The following RPSA2 variants were observed in gnomAD, a reference collection of about 807,000 sequenced individuals.
RPSA2 encodes small ribosomal subunit protein uS2B.
the RPSA2 span, among the ~76,000 whole-genome samples, chr19:23,825,908 C>A: frequency 6.6e-6 from 1 of 151,664 alleles, no homozygotes; most frequent in African/African-American, 2.4e-5. Flanking sequence ...TTTATAATTT[C>A]AACAACCTAT....
chr19:23,834,127 G>C, the RPSA2 span, among the ~76,000 whole-genome samples: 4 of 151,976 alleles, frequency 2.6e-5, no homozygotes, highest in Non-Finnish European at 5.9e-5. Flanking sequence ...AGACACTACT[G>C]TAAATCAGAG....
At chr19:23,761,456 G>A in the RPSA2 span, among the ~76,000 whole-genome samples, 1 of 152,154 alleles carries the variant, frequency 6.6e-6, no homozygotes, top group African/African-American at 2.4e-5. Flanking sequence ...CAGAGCACCA[G>A]AGTGAGACCT....
chr19:23,771,141 G>A, the RPSA2 span, among the ~76,000 whole-genome samples: 1 of 152,318 alleles, frequency 6.6e-6, no homozygotes, highest in Admixed American at 6.5e-5. Context: ...GCACACAGGG[G>A]AGGTTGTGAC....
the RPSA2 span, among the ~76,000 whole-genome samples, chr19:23,798,060 T>G: frequency 1.3e-5 from 2 of 151,474 alleles, no homozygotes; most frequent in Admixed American, 6.6e-5. Flanking sequence ...GTTATGTATT[T>G]ATTTTTTTTT....
chr19:23,788,618 G>T, the RPSA2 span, among the ~76,000 whole-genome samples: 3 of 152,144 alleles, frequency 2.0e-5, no homozygotes, highest in Admixed American at 2.0e-4. Context: ...AGGTAGTGAT[G>T]TGACTCTTCG....
chr19:23,829,984 A>G, the RPSA2 span, among the ~76,000 whole-genome samples: 1 of 151,366 alleles, frequency 6.6e-6, no homozygotes, highest in African/African-American at 2.4e-5. Flanking sequence ...AACTGTTGTT[A>G]GCACCTTTTA....
the RPSA2 span, among the ~76,000 whole-genome samples, chr19:23,848,698 A>G: frequency 1.3e-5 from 2 of 152,102 alleles, no homozygotes; most frequent in African/African-American, 4.8e-5. Context: ...CTGCATTTGC[A>G]TGTGATGATC....
the RPSA2 span, among the ~76,000 whole-genome samples, chr19:23,865,652 G>A: frequency 6.6e-6 from 1 of 152,162 alleles, no homozygotes. Context: ...AAAGAGAGGA[G>A]AATTGGCCTC....
the RPSA2 span, among the ~76,000 whole-genome samples, chr19:23,854,179 G>A: frequency 1.3e-5 from 2 of 152,110 alleles, no homozygotes; most frequent in African/African-American, 4.8e-5. Context: ...TCTCATTACA[G>A]GAATCAGAAT....
At chr19:23,786,406 T>A in the RPSA2 span, among the ~76,000 whole-genome samples, 1 of 152,256 alleles carries the variant, frequency 6.6e-6, no homozygotes, top group Non-Finnish European at 1.5e-5. Context: ...GATTGTGATT[T>A]ATCACTGGAT....
the RPSA2 span, among the ~76,000 whole-genome samples, chr19:23,789,738 C>G: frequency 6.6e-6 from 1 of 150,928 alleles, no homozygotes. Context: ...GAGACAGAGT[C>G]TCGCTCTGTC....
At chr19:23,847,528 G>A in the RPSA2 span, among the ~76,000 whole-genome samples, 2 of 152,064 alleles carry the variant, frequency 1.3e-5, no homozygotes, top group Non-Finnish European at 2.9e-5. Flanking sequence ...AAGGGGAGGG[G>A]GTGTAAGAAC....
chr19:23,832,713 AC>A, the RPSA2 span: 1 of 1,522,708 alleles, frequency 6.6e-7, no homozygotes. Context: ...CTGGAGAGAA[AC>A]CCTACAAATG....
the RPSA2 span, chr19:23,758,670 G>A: frequency 3.7e-6 from 6 of 1,610,846 alleles, no homozygotes; most frequent in South Asian, 6.6e-5. Flanking sequence ...CGCAAATTGT[G>A]GAGCTGACTG....
chr19:23,840,439 G>A, the RPSA2 span, among the ~76,000 whole-genome samples: 7 of 152,160 alleles, frequency 4.6e-5, no homozygotes, highest in African/African-American at 1.7e-4. Flanking sequence ...TCTTATTGGG[G>A]ATGGTGCTGG....
At chr19:23,786,488 G>T in the RPSA2 span, among the ~76,000 whole-genome samples, 1 of 152,182 alleles carries the variant, frequency 6.6e-6, no homozygotes, top group Non-Finnish European at 1.5e-5. Flanking sequence ...AATTTTGGGT[G>T]AATCCTGCAC....
chr19:23,778,797 T>C, the RPSA2 span, among the ~76,000 whole-genome samples: 4 of 152,064 alleles, frequency 2.6e-5, no homozygotes, highest in South Asian at 4.1e-4. Flanking sequence ...CTAGCACTTA[T>C]GTGATAAGAC....
At chr19:23,837,746 C>T in the RPSA2 span, among the ~76,000 whole-genome samples, 2 of 151,986 alleles carry the variant, frequency 1.3e-5, no homozygotes, top group African/African-American at 2.4e-5. Flanking sequence ...TGATTTAATT[C>T]TCCATTTGGT....
the RPSA2 span, among the ~76,000 whole-genome samples, chr19:23,769,112 A>G: frequency 6.6e-6 from 1 of 152,192 alleles, no homozygotes. Flanking sequence ...TCCATCGCTG[A>G]GACTGTGTGA....
Sources: allele counts gnomAD v4.1 joint callset (sites outside exome capture counted in the v4.1 genomes callset), GRCh38; gene constraint gnomAD v4.1.1; transcripts MANE v1.5; gene names NCBI Gene and HGNC (gene_info 2026-07-23, HGNC 2026-07-21).